Variants in ADGRB3 observed in about 807,000 individuals in gnomAD.
The protein encoded by ADGRB3 is brain-specific angiogenesis inhibitor 3.
ADGRB3 carries 37 observed loss-of-function variants against 193.4 expected under a neutral mutation model. That is an observed-to-expected ratio of 0.19 (90% confidence interval 0.15 to 0.25). ADGRB3 has a LOEUF of 0.25. ADGRB3 is among the 10% of genes least tolerant of loss of function. The pLI is 1.00. For missense variants in ADGRB3, 1,637 were observed against 1,852.9 expected (o/e 0.88, Z 2.14); for synonymous variants, 690 against 644.2 (o/e 1.07, Z -1.08).
chr6:68,878,175 A>G (rs1765641903), intron 3 of ADGRB3, among the ~76,000 whole-genome samples: 1 of 151,992 alleles, frequency 6.6e-6, no homozygotes, highest in East Asian at 1.9e-4. Flanking sequence ...ACTTTTTAAA[A>G]TACTTCTTTT....
chr6:69,368,556 T>C (rs923365618), intron 29 of ADGRB3, among the ~76,000 whole-genome samples: 7 of 152,000 alleles, frequency 4.6e-5, no homozygotes, highest in African/African-American at 1.7e-4. Flanking sequence ...ACTTAAAAGA[T>C]GGTATTCAAA....
chr6:69,233,467 G>C (rs1230733890), intron 18 of ADGRB3, 51 bp downstream of exon 18: 2 of 1,607,288 alleles, frequency 1.2e-6, no homozygotes, highest in Non-Finnish European at 1.7e-6. Context: ...GGGATATTGT[G>C]GCTAGTGTTT....
chr6:68,924,488 G>A (rs1237305273), intron 3 of ADGRB3, among the ~76,000 whole-genome samples: 2 of 151,892 alleles, frequency 1.3e-5, no homozygotes, highest in Admixed American at 1.3e-4. Context: ...CAGCATTATT[G>A]TCTAAATATA....
intron 11 of ADGRB3, among the ~76,000 whole-genome samples, chr6:69,007,154 C>T (rs993727511): frequency 2.0e-5 from 3 of 152,088 alleles, no homozygotes; most frequent in Admixed American, 1.3e-4. Context: ...GGGCTAAGAA[C>T]GAAAGGCTGA....
intron 20 of ADGRB3, among the ~76,000 whole-genome samples, chr6:69,322,240 A>G (rs1298520962): frequency 6.6e-6 from 1 of 151,768 alleles, no homozygotes; most frequent in Non-Finnish European, 1.5e-5. Context: ...TATTTTCTTT[A>G]TTCAGTCTAT....
rs117685076 is a variant in ADGRB3, at chr6:68,649,804, G to A, written c.757+10372G>A. 2.0e-5 allele frequency among the ~76,000 whole-genome samples: 3 copies of A among 152,198 alleles called. No homozygotes were observed. The East Asian group carries it at 5.8e-4, about 29-fold the overall frequency. ...GGGTGTCTCTTTTTCTGGGCTTCTC[G>A]CCTTGCATTGCTGTGGGTTGGCTGC... On this transcript the variant is annotated intron_variant, in intron 3 of 31. Coordinates refer to ENST00000370598, the MANE Select transcript of ADGRB3 (RefSeq NM_001704.3).
At chr6:69,212,014 C>G (rs1443549052) in intron 17 of ADGRB3, among the ~76,000 whole-genome samples, 3 of 152,142 alleles carry the variant, frequency 2.0e-5, no homozygotes, top group Non-Finnish European at 4.4e-5. Flanking sequence ...ATTTAGCAGA[C>G]TGACTTTTAT....
intron 17 of ADGRB3, among the ~76,000 whole-genome samples, chr6:69,131,237 G>T (rs1340283230): frequency 6.6e-6 from 1 of 152,052 alleles, no homozygotes; most frequent in African/African-American, 2.4e-5. Flanking sequence ...ATTGGAAATT[G>T]TCTTCAACTA....
intron 10 of ADGRB3, among the ~76,000 whole-genome samples, chr6:68,989,552 C>T (rs747336382): frequency 6.6e-6 from 1 of 152,122 alleles, no homozygotes; most frequent in Non-Finnish European, 1.5e-5. Flanking sequence ...AGGAAACAGT[C>T]ACTGAATGTC....
chr6:68,934,189 G>A (rs1767425047), intron 4 of ADGRB3, among the ~76,000 whole-genome samples: 1 of 152,036 alleles, frequency 6.6e-6, no homozygotes, highest in Non-Finnish European at 1.5e-5. Context: ...TATTTCACTG[G>A]CAAAATTTTA....
chr6:69,197,140 G>A (rs987018783), intron 17 of ADGRB3, among the ~76,000 whole-genome samples: 3 of 151,716 alleles, frequency 2.0e-5, no homozygotes, highest in Non-Finnish European at 4.4e-5. Context: ...CAAGACAAAA[G>A]GTTTTTTAAA....
At chr6:68,991,988 C>A (rs966176389) in intron 10 of ADGRB3, among the ~76,000 whole-genome samples, 1 of 152,028 alleles carries the variant, frequency 6.6e-6, no homozygotes, top group Non-Finnish European at 1.5e-5. Context: ...GTACTTAGGG[C>A]ATAACAACTG....
chr6:68,708,549 A>G (rs554196794), intron 3 of ADGRB3, among the ~76,000 whole-genome samples: 1 of 152,308 alleles, frequency 6.6e-6, no homozygotes, highest in Admixed American at 6.5e-5. Flanking sequence ...AAAATCTGTA[A>G]AATTAACAGA....
chr6:69,211,479 A>G (rs1293950229), intron 17 of ADGRB3, among the ~76,000 whole-genome samples: 5 of 152,140 alleles, frequency 3.3e-5, no homozygotes, highest in Admixed American at 2.0e-4. Context: ...AGTAACATCT[A>G]AAAAAGTTCC....
At chr6:69,278,377 C>G (rs1767347770) in intron 20 of ADGRB3, among the ~76,000 whole-genome samples, 1 of 152,176 alleles carries the variant, frequency 6.6e-6, no homozygotes, top group Non-Finnish European at 1.5e-5. Flanking sequence ...TCAGTGAGCC[C>G]TGATAACTCC....
chr6:68,904,514 T>C (rs932549343), intron 3 of ADGRB3, among the ~76,000 whole-genome samples: 1 of 152,192 alleles, frequency 6.6e-6, no homozygotes, highest in Admixed American at 6.6e-5. Context: ...TTTGGAGACA[T>C]TTCTATGTTT....
At chr6:69,354,454 G>A in intron 27 of ADGRB3, 126 bp downstream of exon 27, 1 of 736,364 alleles carries the variant, frequency 1.4e-6, no homozygotes, top group Non-Finnish European at 2.3e-6. Flanking sequence ...TTCATTAATA[G>A]ACTGTGAACT....
chr6:68,818,273 G>A (rs113113049), intron 3 of ADGRB3, among the ~76,000 whole-genome samples: 1,805 of 152,094 alleles, frequency 0.012, 39 homozygotes, highest in African/African-American at 0.039. Flanking sequence ...CAGTTTATTT[G>A]CTTGCACTTT....
At chr6:68,951,865 G>A (rs1468311922) in intron 6 of ADGRB3, among the ~76,000 whole-genome samples, 6 of 152,126 alleles carry the variant, frequency 3.9e-5, no homozygotes, top group Admixed American at 3.3e-4. Context: ...GCTGAGCCCG[G>A]TAAAAAGTCA....
Sources: gnomAD v4.1 joint callset for allele counts (sites outside exome capture counted in the v4.1 genomes callset) on GRCh38, gnomAD v4.1.1 for gene constraint, MANE v1.5 for transcripts, NCBI Gene and HGNC (gene_info 2026-07-23, HGNC 2026-07-21) for gene names.